MPPED1: variants seen among roughly 807,000 people sequenced by gnomAD.
The protein encoded by MPPED1 is metallophosphoesterase domain-containing protein 1.
In MPPED1, 16 loss-of-function variants were observed where a neutral mutation model predicts 36.2. That is an observed-to-expected ratio of 0.44 (90% CI 0.30 to 0.67). The LOEUF (loss-of-function observed/expected upper bound fraction) is 0.67. Ranked by LOEUF, MPPED1 falls within the 30% of genes least tolerant of loss-of-function variation. The pLI, the probability that MPPED1 is intolerant of heterozygous loss-of-function variation, is 0.10. For synonymous variants in MPPED1, 199 were observed against 191.3 expected (o/e 1.04, Z -0.33); for missense variants, 307 against 453.4 (o/e 0.68, Z 2.93).
At position 43,502,086 on chromosome 22, in the gene MPPED1, C is replaced by T. The variant is rs947803311; in HGVS notation, c.749-558C>T. 5.3e-5 allele frequency among the ~76,000 whole-genome samples: 8 copies of T among 152,138 alleles called. No homozygotes were observed. Among genetic ancestry groups the T allele is most frequent in the Non-Finnish European group, 1.0e-4 (7 of 68,022 alleles). On this transcript the variant is annotated intron_variant, in intron 5 of 6. Transcript: ENST00000443721. The surrounding 1 kb of genome is among the most constrained non-coding windows in gnomAD (Gnocchi z 5.5). ...CTGGGCGGCTCCAGGAGGCTGGCAG[C>T]GGGGGCAGGCGCAGGCGCAGCCACG...
chr22:43,500,299 T>C (rs1473636962), intron 5 of MPPED1, among the ~76,000 whole-genome samples: 173 of 140,770 alleles, frequency 1.2e-3, no homozygotes, highest in African/African-American at 4.7e-3. Flanking sequence ...GGGGTGGTGG[T>C]GGTGATGGTG....
At chr22:43,463,331 C>CTTT (rs3047468) in intron 3 of MPPED1, among the ~76,000 whole-genome samples, 15 of 121,060 alleles carry the variant, frequency 1.2e-4, no homozygotes, top group African/African-American at 3.5e-4. Context: ...ATGATTTTTT[C>CTTT]TTTTTTTTTT....
At chr22:43,460,180 C>T (rs1388971518) in intron 3 of MPPED1, among the ~76,000 whole-genome samples, 4 of 150,888 alleles carry the variant, frequency 2.7e-5, no homozygotes, top group African/African-American at 9.8e-5. Context: ...GCACTCCAGC[C>T]TGGCGACAGA....
intron 1 of MPPED1, among the ~76,000 whole-genome samples, chr22:43,420,173 A>C (rs1399402220): frequency 6.6e-6 from 1 of 152,102 alleles, no homozygotes; most frequent in Non-Finnish European, 1.5e-5. Context: ...CCAGTGTCCT[A>C]CCGCTCAGCA....
At chr22:43,428,515 C>T (rs973800939) in intron 2 of MPPED1, among the ~76,000 whole-genome samples, 4 of 152,140 alleles carry the variant, frequency 2.6e-5, no homozygotes, top group Non-Finnish European at 4.4e-5. Context: ...CATGGCGAGT[C>T]GGCTGCTCCC....
chr22:43,424,606 GA>G lies in MPPED1; in HGVS notation c.-78-292del, dbSNP rs567527292. On this transcript the variant is annotated intron_variant, in intron 1 of 6. Transcript: ENST00000443721. ...TAGGCTCGGGAGGATTTTGTTGAAG[GA>G]AAAAAAAAATGTCTTAAGTATTTAA... Among the ~76,000 whole-genome samples, 245 of 148,048 alleles carry G rather than the reference GA, an allele frequency of 1.7e-3. 1 individual carries two copies. The highest frequency in any genetic ancestry group is 2.6e-3 in the Non-Finnish European group (171 of 66,844).
At chr22:43,462,953 T>C (rs1293865664) in intron 3 of MPPED1, among the ~76,000 whole-genome samples, 2 of 152,198 alleles carry the variant, frequency 1.3e-5, no homozygotes, top group Non-Finnish European at 2.9e-5. Flanking sequence ...AAGAGAAATA[T>C]CTGGCAGACT....
intron 4 of MPPED1, among the ~76,000 whole-genome samples, chr22:43,477,253 C>G (rs796084308): frequency 2.4e-4 from 36 of 152,364 alleles, no homozygotes; most frequent in African/African-American, 7.9e-4. Context: ...AACACAAGGG[C>G]TGAACGCCCC....
At chr22:43,430,921 G>C (rs2146826745) in intron 2 of MPPED1, among the ~76,000 whole-genome samples, 1 of 151,036 alleles carries the variant, frequency 6.6e-6, no homozygotes, top group South Asian at 2.1e-4. Context: ...GGAGTCTACT[G>C]GCCCATATTA....
chr22:43,467,615 C>G (rs1009312025), intron 3 of MPPED1, among the ~76,000 whole-genome samples: 1 of 152,204 alleles, frequency 6.6e-6, no homozygotes, highest in African/African-American at 2.4e-5. Flanking sequence ...GAGAAGTCTG[C>G]TAATGTGAAT....
rs537951611 is a variant in MPPED1 at position 43,425,072 on chromosome 22, G to C, written c.87G>C (p.Gln29His). ...GCGGCCTGGGCATGGCATTCTCCCA[G>C]TCCCACGTGATGGCCGCTCGGCGGC... ...LPCGLGMAFS[Q>H]SHVMAARRHQ... is the part of the protein sequence containing the mutation. The change falls in exon 2 of 7, where the codon CAG becomes CAC. Residue 29 changes from glutamine to histidine, a missense_variant. Physicochemically the swap from Gln to His is conservative, Grantham distance 24. Transcript: ENST00000443721. 7.2e-5 allele frequency: 116 copies of C among 1,613,634 alleles called. No homozygotes were observed. The Admixed American group carries it at 1.3e-3, about 19-fold the overall frequency.
intron 3 of MPPED1, among the ~76,000 whole-genome samples, chr22:43,468,580 A>G (rs920224986): frequency 6.6e-6 from 1 of 152,184 alleles, no homozygotes; most frequent in African/African-American, 2.4e-5. Context: ...CTCGCTATGT[A>G]ACCTTGGACA....
At chr22:43,477,642 A>C (rs943368177) in intron 4 of MPPED1, among the ~76,000 whole-genome samples, 1 of 152,018 alleles carries the variant, frequency 6.6e-6, no homozygotes, top group Non-Finnish European at 1.5e-5. Flanking sequence ...AGAGGGGAAG[A>C]TGGGGAGGTG....
In MPPED1 at chr22:43,502,579, G is replaced by T. The variant is rs1932756934; in HGVS notation, c.749-65G>T. The T allele has an allele frequency of 7.7e-7, 1 of 1,294,860 alleles. No homozygotes were observed. Among genetic ancestry groups the T allele is most frequent in the Admixed American group, 1.8e-5 (1 of 56,638 alleles). 80.2% of individuals were successfully genotyped at this position (1,294,860 alleles called of 1,614,324 possible). ...CTCCAGGCTGCAGAAGCTGCTGCTA[G>T]GCGTGGGGCAGTGAGGGGCTGGGAC... On this transcript the variant is annotated intron_variant, in intron 5 of 6. Coordinates refer to ENST00000443721, the MANE Select transcript of MPPED1 (RefSeq NM_001044370.2). This position sits in a 1 kb window ranked among gnomAD's most constrained non-coding sequence, Gnocchi z 5.5.
chr22:43,451,724 ACT>A (rs1200999621), intron 3 of MPPED1, among the ~76,000 whole-genome samples: 1 of 152,018 alleles, frequency 6.6e-6, no homozygotes, highest in South Asian at 2.1e-4. Context: ...CCCCCTTAAA[ACT>A]CTGCAGAGGT....
At position 43,450,664 on chromosome 22, in the gene MPPED1, G is replaced by A. The variant is rs190537980; in HGVS notation, c.406+15449G>A. ...CAGCCATTGCTCTGGTGGTGGTTTT[G>A]TGAACACATCTAAATCTAAAATGCC... On this transcript the variant is annotated intron_variant, in intron 3 of 6. Transcript: ENST00000443721. 2.6e-5 allele frequency among the ~76,000 whole-genome samples: 4 copies of A among 152,330 alleles called. No homozygotes were observed. The East Asian group carries it at 5.8e-4, about 22-fold the overall frequency.
At chr22:43,451,378 G>A (rs1265424618) in intron 3 of MPPED1, among the ~76,000 whole-genome samples, 1 of 152,226 alleles carries the variant, frequency 6.6e-6, no homozygotes, top group Non-Finnish European at 1.5e-5. Context: ...GCATTTAAAA[G>A]TTAGAATTTA....
intron 4 of MPPED1, among the ~76,000 whole-genome samples, chr22:43,494,184 C>T (rs1014573024): frequency 1.6e-4 from 24 of 152,092 alleles, no homozygotes; most frequent in Admixed American, 3.3e-4. Flanking sequence ...TACAGGTGCG[C>T]GCCATCATGC....
intron 3 of MPPED1, 49 bp downstream of exon 3, chr22:43,435,264 G>T (rs779025155): frequency 6.5e-7 from 1 of 1,532,258 alleles, no homozygotes; most frequent in African/African-American, 1.4e-5. Context: ...CAGGAAGGGG[G>T]CTCCCGCCAG....
Sources: gnomAD v4.1 joint callset for allele counts (sites outside exome capture counted in the v4.1 genomes callset) on GRCh38, gnomAD v4.1.1 for gene constraint, Gnocchi (gnomAD v3.1) non-coding constraint, MANE v1.5 for transcripts, NCBI Gene and HGNC (gene_info 2026-07-23, HGNC 2026-07-21) for gene names.